Variants in OTUD7A observed in about 807,000 individuals in gnomAD.
The protein encoded by OTUD7A is OTU domain-containing protein 7A.
In OTUD7A, 12 loss-of-function variants were observed where a neutral mutation model predicts 65.7. The ratio of observed to expected loss-of-function variants is 0.18; its 90% CI spans 0.12 to 0.30. The LOEUF (loss-of-function observed/expected upper bound fraction) is 0.30. OTUD7A is among the 10% of genes least tolerant of loss of function. The probability of loss-of-function intolerance (pLI) is 1.00; values close to 1 mark genes in which losing one functional copy is unlikely to be tolerated. For synonymous variants in OTUD7A, 641 were observed against 586.3 expected (o/e 1.09, Z -1.35); for missense variants, 1,148 against 1,304.8 (o/e 0.88, Z 1.85).
At chr15:31,746,505 A>AT (rs1491502769) in intron 1 of OTUD7A, among the ~76,000 whole-genome samples, 35 of 70,886 alleles carry the variant, frequency 4.9e-4, no homozygotes, top group Admixed American at 2.6e-3. Context: ...TAGTTTTTAC[A>AT]TATTTTTTTT....
At chr15:31,853,815 C>T (rs970658109) in intron 1 of OTUD7A, among the ~76,000 whole-genome samples, 3 of 152,212 alleles carry the variant, frequency 2.0e-5, no homozygotes, top group African/African-American at 7.2e-5. Flanking sequence ...CTGGCTTCAC[C>T]CTCATCCTTC....
intron 8 of OTUD7A, among the ~76,000 whole-genome samples, chr15:31,514,139 G>A (rs12438482): frequency 0.12 from 18,440 of 148,408 alleles, 1,211 homozygotes; most frequent in Admixed American, 0.18. Flanking sequence ...CTGCAGCCTC[G>A]AACTCCTGGG....
chr15:31,762,969 C>T (rs544453616), intron 1 of OTUD7A, among the ~76,000 whole-genome samples: 21 of 151,994 alleles, frequency 1.4e-4, no homozygotes, highest in Non-Finnish European at 1.0e-4. Flanking sequence ...TGCTCCAAGA[C>T]GTAAGAATAA....
At chr15:31,623,757 G>A (rs373885124) in intron 3 of OTUD7A, among the ~76,000 whole-genome samples, 46 of 152,282 alleles carry the variant, frequency 3.0e-4, no homozygotes, top group East Asian at 1.9e-3. Context: ...TGCTCGGTGC[G>A]CTGCACCCAC....
At chr15:31,765,799 T>C (rs1015849159) in intron 1 of OTUD7A, 7 of 1,376,992 alleles carry the variant, frequency 5.1e-6, no homozygotes, top group African/African-American at 1.4e-5. Context: ...GGTTGCTTGA[T>C]TGTAGGTTTG....
rs535778120 is a variant in OTUD7A, at chr15:31,500,005, C to T, written c.1171+1685G>A. ...TATCTGGAAGGCCTGGAAGAGTACT[C>T]GGTGCCTTTTGCGAGGAGGGGGTCG... On this transcript the variant is annotated intron_variant, in intron 10 of 12. Transcript: ENST00000307050. Among the ~76,000 whole-genome samples the T allele has an allele frequency of 6.6e-5, 10 of 152,300 alleles. No homozygotes were observed. The South Asian group carries it at 1.7e-3, about 25-fold the overall frequency.
chr15:31,754,601 T>C (rs1033755502), intron 1 of OTUD7A, among the ~76,000 whole-genome samples: 3 of 152,180 alleles, frequency 2.0e-5, no homozygotes, highest in East Asian at 3.8e-4. Context: ...CCCAGCACCA[T>C]TGTTGAAAAG....
intron 5 of OTUD7A, among the ~76,000 whole-genome samples, chr15:31,545,098 G>T (rs1595598629): frequency 6.6e-6 from 1 of 152,016 alleles, no homozygotes. Flanking sequence ...TGATAAAGAA[G>T]AATAACATCA....
chr15:31,486,446 T>G (rs562884116), intron 12 of OTUD7A, among the ~76,000 whole-genome samples: 2 of 152,364 alleles, frequency 1.3e-5, no homozygotes, highest in South Asian at 4.1e-4. Context: ...ACTAATTCTT[T>G]GTGAGCCCCA....
chr15:31,694,544 A>T (rs1040513968), intron 1 of OTUD7A, among the ~76,000 whole-genome samples: 2 of 152,188 alleles, frequency 1.3e-5, no homozygotes, highest in Non-Finnish European at 2.9e-5. Context: ...CCATGTTATA[A>T]TAGTCCCCAT....
Position 31,479,025 on chromosome 15 carries a change from C to A in OTUD7A, c.*4269G>T, listed in dbSNP as rs947574167. Reference sequence around the variant, plus strand: ...ACAAAGCTGAGCGCTGGTCACTGCCCCGGCCAGCCACACTAAAACAGGCCA... The same window carrying A: ...ACAAAGCTGAGCGCTGGTCACTGCCACGGCCAGCCACACTAAAACAGGCCA... On this transcript the variant is annotated 3_prime_UTR_variant, in exon 13 of 13. Transcript: ENST00000307050. 5.9e-5 allele frequency: 9 copies of A among 152,340 alleles called. No homozygotes were observed. The highest frequency in any genetic ancestry group is 2.2e-4 in the African/African-American group (9 of 41,436). 9.4% of individuals were successfully genotyped at this position (152,340 alleles called of 1,614,324 possible).
In OTUD7A at chr15:31,806,146, C is replaced by A. The variant is rs79834237; in HGVS notation, c.-100+64361G>T. Among the ~76,000 whole-genome samples, 528 of 152,244 alleles carry A rather than the reference C, an allele frequency of 3.5e-3. 4 individuals are homozygous for A. The highest frequency in any genetic ancestry group is 5.7e-3 in the Non-Finnish European group (387 of 68,012). ...TGAAACCTCTGGAAGTTTATTCAGT[C>A]CAGAGAACTAAGATCATTTTCTACT... On this transcript the variant is annotated intron_variant, in intron 1 of 12. Coordinates refer to ENST00000307050, the MANE Select transcript of OTUD7A (RefSeq NM_001382637.1).
At chr15:31,648,305 T>C (rs952745308) in intron 3 of OTUD7A, among the ~76,000 whole-genome samples, 4 of 152,154 alleles carry the variant, frequency 2.6e-5, no homozygotes, top group Non-Finnish European at 5.9e-5. Context: ...AAGAATAACT[T>C]AAAACAATAG....
chr15:31,662,845 A>C (rs1034588990), intron 1 of OTUD7A, among the ~76,000 whole-genome samples: 2 of 152,192 alleles, frequency 1.3e-5, no homozygotes, highest in Non-Finnish European at 2.9e-5. Context: ...TCCTTCCCAC[A>C]CCAAATCCTA....
At chr15:31,632,509 C>T (rs544751752) in intron 3 of OTUD7A, among the ~76,000 whole-genome samples, 21 of 152,306 alleles carry the variant, frequency 1.4e-4, no homozygotes, top group African/African-American at 3.1e-4. Flanking sequence ...AGTACCTGGC[C>T]GTGTGAGGTG....
In OTUD7A at chr15:31,479,674, T is replaced by C; in HGVS notation, c.*3620A>G. Reference sequence around the variant, plus strand: ...GTGGACACTAAGTGGGGGGGGGGGGTGATGGGCCCATGACCCCTCCCCAGA... The same window carrying C: ...GTGGACACTAAGTGGGGGGGGGGGGCGATGGGCCCATGACCCCTCCCCAGA... On this transcript the variant is annotated 3_prime_UTR_variant, in exon 13 of 13. Transcript: ENST00000307050. 1 of 69,206 alleles carries C rather than the reference T, an allele frequency of 1.4e-5. No individual in the cohort carries two copies. Among genetic ancestry groups the C allele is most frequent in the Non-Finnish European group, 3.0e-5 (1 of 33,718 alleles). 4.3% of individuals were successfully genotyped at this position (69,206 alleles called of 1,614,324 possible). A position where few individuals can be genotyped will look rare whatever the true frequency, so the allele number is the denominator to read the frequency against.
intron 8 of OTUD7A, among the ~76,000 whole-genome samples, chr15:31,513,107 G>A (rs1411211100): frequency 1.3e-5 from 2 of 152,142 alleles, no homozygotes; most frequent in Admixed American, 6.5e-5. Flanking sequence ...CTGGCCTCAA[G>A]TGATCCACCA....
intron 1 of OTUD7A, among the ~76,000 whole-genome samples, chr15:31,817,039 C>A (rs1306273823): frequency 6.6e-6 from 1 of 152,106 alleles, no homozygotes; most frequent in Admixed American, 6.5e-5. Flanking sequence ...ATGTTCAGAA[C>A]CCAAATAAGC....
intron 1 of OTUD7A, among the ~76,000 whole-genome samples, chr15:31,681,417 T>C (rs571710147): frequency 1.3e-5 from 2 of 152,204 alleles, no homozygotes; most frequent in East Asian, 1.9e-4. Context: ...TGACCACCTG[T>C]CTGTCTCTCT....
Sources: gnomAD v4.1 joint callset for allele counts (sites outside exome capture counted in the v4.1 genomes callset) on GRCh38, gnomAD v4.1.1 for gene constraint, MANE v1.5 for transcripts, NCBI Gene and HGNC (gene_info 2026-07-23, HGNC 2026-07-21) for gene names.